GMDS: variants seen among roughly 807,000 people sequenced by gnomAD.
GMDS encodes GDP-mannose 4,6 dehydratase.
Under a neutral mutation model 49.9 loss-of-function variants are expected in GMDS, and 20 were observed. The ratio of observed to expected loss-of-function variants is 0.40; its 90% CI spans 0.28 to 0.58. GMDS has a LOEUF of 0.58. Ranked by LOEUF, GMDS falls within the 20% of genes least tolerant of loss-of-function variation. The pLI is 0.42. For synonymous variants in GMDS, 177 were observed against 178.6 expected (o/e 0.99, Z 0.07); for missense variants, 362 against 481.4 (o/e 0.75, Z 2.32).
At chr6:1,703,242 TCTGCCTCCTCTGTCC>T (rs1765608224) in intron 9 of GMDS, among the ~76,000 whole-genome samples, 1 of 152,150 alleles carries the variant, frequency 6.6e-6, no homozygotes, top group Non-Finnish European at 1.5e-5. Context: ...GTTCTCTCTC[TCTGCCTCCTCTGTCC>T]CTGCCTCCAC....
At chr6:1,632,896 G>A (rs781208839) in intron 9 of GMDS, among the ~76,000 whole-genome samples, 5 of 152,174 alleles carry the variant, frequency 3.3e-5, no homozygotes, top group African/African-American at 9.7e-5. Context: ...AGAAAAATTC[G>A]TGGACACAAC....
At chr6:1,869,458 C>G (rs761275996) in intron 7 of GMDS, among the ~76,000 whole-genome samples, 6 of 152,120 alleles carry the variant, frequency 3.9e-5, no homozygotes, top group Non-Finnish European at 5.9e-5. Flanking sequence ...TGGGGTCATT[C>G]TTTCAACAGC....
intron 4 of GMDS, among the ~76,000 whole-genome samples, chr6:2,058,581 T>C (rs552403575): frequency 2.6e-5 from 4 of 152,222 alleles, no homozygotes; most frequent in African/African-American, 4.8e-5. Flanking sequence ...TAACCCAAGA[T>C]GTTCAAGAAT....
At chr6:1,784,365 C>G (rs1769228480) in intron 7 of GMDS, among the ~76,000 whole-genome samples, 1 of 135,566 alleles carries the variant, frequency 7.4e-6, no homozygotes, top group Admixed American at 8.4e-5. Flanking sequence ...GCACTCCAGC[C>G]TGGGTGACAG....
intron 7 of GMDS, among the ~76,000 whole-genome samples, chr6:1,848,107 T>C (rs1049202295): frequency 6.6e-6 from 1 of 152,152 alleles, no homozygotes; most frequent in African/African-American, 2.4e-5. Flanking sequence ...CCACAAATCA[T>C]CTCAATTTCC....
At chr6:1,687,831 G>A (rs1765032921) in intron 9 of GMDS, among the ~76,000 whole-genome samples, 1 of 152,118 alleles carries the variant, frequency 6.6e-6, no homozygotes, top group Non-Finnish European at 1.5e-5. Context: ...GTTGGAGAGA[G>A]GGCATGGGGG....
At chr6:1,909,170 G>C (rs540053062) in intron 7 of GMDS, among the ~76,000 whole-genome samples, 4 of 152,136 alleles carry the variant, frequency 2.6e-5, no homozygotes, top group Non-Finnish European at 5.9e-5. Context: ...AAGACTTTAC[G>C]GTTTTTGGAA....
At chr6:2,230,191 T>G (rs1042815403) in intron 1 of GMDS, among the ~76,000 whole-genome samples, 3 of 152,248 alleles carry the variant, frequency 2.0e-5, no homozygotes, top group African/African-American at 7.2e-5. Flanking sequence ...AAGCATTATC[T>G]ACATCAGTCA....
intron 7 of GMDS, among the ~76,000 whole-genome samples, chr6:1,823,609 T>A (rs572350411): frequency 1.3e-5 from 2 of 152,232 alleles, no homozygotes; most frequent in East Asian, 3.9e-4. Context: ...CACCTGAAGT[T>A]TAGCATTTCC....
chr6:1,878,527 C>T (rs938609743), intron 7 of GMDS, among the ~76,000 whole-genome samples: 3 of 151,918 alleles, frequency 2.0e-5, no homozygotes, highest in South Asian at 2.1e-4. Flanking sequence ...CACAGACATG[C>T]GACATTCATT....
intron 4 of GMDS, among the ~76,000 whole-genome samples, chr6:2,027,681 T>C (rs1335460365): frequency 6.6e-6 from 1 of 152,102 alleles, no homozygotes; most frequent in East Asian, 1.9e-4. Flanking sequence ...ACAAGACAGT[T>C]ATTAGAAAAC....
At chr6:1,932,533 A>C (rs1762335149) in intron 6 of GMDS, among the ~76,000 whole-genome samples, 1 of 150,236 alleles carries the variant, frequency 6.7e-6, no homozygotes, top group Non-Finnish European at 1.5e-5. Context: ...TATAATTTCT[A>C]ATTCTTTTTT....
chr6:1,815,780 C>A (rs1265085537), intron 7 of GMDS, among the ~76,000 whole-genome samples: 4 of 152,218 alleles, frequency 2.6e-5, no homozygotes, highest in Admixed American at 1.3e-4. Context: ...AAGACACATT[C>A]TACAGAGAGC....
chr6:1,716,997 G>T (rs575903054), intron 9 of GMDS, among the ~76,000 whole-genome samples: 1 of 152,128 alleles, frequency 6.6e-6, no homozygotes, highest in African/African-American at 2.4e-5. Context: ...GGTTTAGTCC[G>T]CAAAGTGATT....
At chr6:1,715,380 G>A (rs1427094133) in intron 9 of GMDS, among the ~76,000 whole-genome samples, 1 of 152,198 alleles carries the variant, frequency 6.6e-6, no homozygotes, top group Non-Finnish European at 1.5e-5. Flanking sequence ...TAAAGCATAA[G>A]AATGATTCTT....
At chr6:1,697,267 T>A (rs939634083) in intron 9 of GMDS, among the ~76,000 whole-genome samples, 2 of 152,182 alleles carry the variant, frequency 1.3e-5, no homozygotes, top group Non-Finnish European at 2.9e-5. Context: ...GGCAACACAC[T>A]CACAGCCTTT....
chr6:1,867,209 G>A (rs919408761), intron 7 of GMDS, among the ~76,000 whole-genome samples: 4 of 152,152 alleles, frequency 2.6e-5, no homozygotes, highest in Non-Finnish European at 5.9e-5. Context: ...AAGTGAAAAT[G>A]TTCACATACT....
At chr6:2,002,507 G>A (rs906124753) in intron 4 of GMDS, among the ~76,000 whole-genome samples, 25 of 152,154 alleles carry the variant, frequency 1.6e-4, no homozygotes, top group Non-Finnish European at 1.2e-4. Context: ...TAATGAAAAG[G>A]AATTAATCTG....
intron 4 of GMDS, among the ~76,000 whole-genome samples, chr6:1,992,319 C>T (rs1257700699): frequency 1.3e-5 from 2 of 152,160 alleles, no homozygotes; most frequent in African/African-American, 2.4e-5. Context: ...CTCTGGCCTT[C>T]GCTGTTCATG....
Sources: allele counts gnomAD v4.1 joint callset (sites outside exome capture counted in the v4.1 genomes callset), GRCh38; gene constraint gnomAD v4.1.1; transcripts MANE v1.5; gene names NCBI Gene and HGNC (gene_info 2026-07-23, HGNC 2026-07-21).